Variants in CNTLN observed in about 807,000 individuals in gnomAD.
The protein encoded by CNTLN is centlein.
Under a neutral mutation model 180.0 loss-of-function variants are expected in CNTLN, and 212 were observed. The ratio of observed to expected loss-of-function variants is 1.18; its 90% CI spans 1.05 to 1.32. CNTLN has a LOEUF of 1.32. CNTLN is among the 40% of genes most tolerant of loss of function. The pLI, the probability that CNTLN is intolerant of heterozygous loss-of-function variation, is 0.00. For missense variants in CNTLN, 2,095 were observed against 1,610.9 expected, an observed-to-expected ratio of 1.30 and a Z score of -5.14; for synonymous variants, 722 against 563.1, an observed-to-expected ratio of 1.28 and a Z score of -3.99.
chr9:17,356,787 T>C (rs1255619269), intron 12 of CNTLN, among the ~76,000 whole-genome samples: 1 of 152,156 alleles, frequency 6.6e-6, no homozygotes, highest in Non-Finnish European at 1.5e-5. Context: ...AGCATACAGA[T>C]ATGTAATTTA....
intron 5 of CNTLN, 86 bp downstream of exon 5, chr9:17,236,674 T>A: frequency 9.4e-7 from 1 of 1,066,686 alleles, no homozygotes; most frequent in Non-Finnish European, 1.3e-6. Context: ...CTTTAACAAC[T>A]TATATATTCA....
At chr9:17,177,341 G>A (rs949362019) in intron 2 of CNTLN, among the ~76,000 whole-genome samples, 1 of 152,040 alleles carries the variant, frequency 6.6e-6, no homozygotes, top group South Asian at 2.1e-4. Context: ...CCCGGGAGGC[G>A]GAGCTTGCAG....
downstream of CNTLN, among the ~76,000 whole-genome samples, chr9:17,506,330 G>A (rs895154565): frequency 6.6e-6 from 1 of 152,070 alleles, no homozygotes; most frequent in Admixed American, 6.5e-5. Flanking sequence ...CAGACTGGGA[G>A]AAAACATTTG....
chr9:17,214,415 A>G (rs1823574958), intron 2 of CNTLN, among the ~76,000 whole-genome samples: 1 of 152,218 alleles, frequency 6.6e-6, no homozygotes, highest in Non-Finnish European at 1.5e-5. Context: ...AGTTTCTGCC[A>G]GGAGATCTGC....
At chr9:17,367,675 G>A (rs4961551) in intron 13 of CNTLN, among the ~76,000 whole-genome samples, 126,896 of 152,050 alleles carry the variant, frequency 0.83, 53,146 homozygotes, top group Non-Finnish European at 0.87. Context: ...AGGATAGGGC[G>A]CTAGTTAGAT....
At chr9:17,340,751 G>C in intron 10 of CNTLN, 76 bp from the exon 11 acceptor site, 2 of 1,235,566 alleles carry the variant, frequency 1.6e-6, no homozygotes, top group South Asian at 3.8e-5. Context: ...ATATTTAGAT[G>C]GGTAACCTTT....
intron 1 of CNTLN, among the ~76,000 whole-genome samples, chr9:17,139,828 C>T (rs1007227618): frequency 2.6e-5 from 4 of 152,064 alleles, no homozygotes; most frequent in Non-Finnish European, 4.4e-5. Context: ...CCTCAGCCTC[C>T]AGAGTAGCTA....
chr9:17,389,129 A>G (rs764587517), intron 14 of CNTLN, among the ~76,000 whole-genome samples: 1 of 152,072 alleles, frequency 6.6e-6, no homozygotes, highest in East Asian at 1.9e-4. Flanking sequence ...TAGGAAATCT[A>G]GTGATTTACA....
the CNTLN span, among the ~76,000 whole-genome samples, chr9:17,513,157 A>C: frequency 2.6e-5 from 4 of 152,188 alleles, no homozygotes; most frequent in Non-Finnish European, 4.4e-5. Flanking sequence ...CCATGGACAT[A>C]AATTAAAAGA....
At chr9:17,301,873 C>G (rs1818380181) in intron 7 of CNTLN, 3 of 955,956 alleles carry the variant, frequency 3.1e-6, no homozygotes, top group South Asian at 9.7e-5. Flanking sequence ...AAAAATGCAT[C>G]TTAACATATT....
At chr9:17,267,454 C>G (rs1587416479) in intron 5 of CNTLN, among the ~76,000 whole-genome samples, 2 of 152,140 alleles carry the variant, frequency 1.3e-5, no homozygotes, top group African/African-American at 2.4e-5. Flanking sequence ...CGACCTTTCT[C>G]TCTGGCTGCC....
chr9:17,270,126 T>C lies in CNTLN; in HGVS notation c.850-3607T>C, dbSNP rs1197069464. Among the ~76,000 whole-genome samples the C allele has an allele frequency of 2.0e-5, 3 of 152,064 alleles. 1 individual carries two copies. The East Asian group carries it at 5.8e-4, about 29-fold the overall frequency. ...TCTGTTAATATTTATATATTTAATG[T>C]CTGTTCTTTTTTCCCTTCTCTTAGT... is the stretch of plus-strand genomic sequence containing the variant. On this transcript the variant is annotated intron_variant, in intron 5 of 25. Coordinates refer to ENST00000380647, the MANE Select transcript of CNTLN (RefSeq NM_017738.4).
chr9:17,310,594 A>G (rs1382776044), intron 8 of CNTLN, among the ~76,000 whole-genome samples: 1 of 152,114 alleles, frequency 6.6e-6, no homozygotes. Context: ...ATCTAGGAGT[A>G]GAAATCCTGG....
intron 13 of CNTLN, among the ~76,000 whole-genome samples, chr9:17,383,780 G>A (rs995580482): frequency 6.6e-6 from 1 of 151,802 alleles, no homozygotes; most frequent in East Asian, 2.0e-4. Context: ...TGGGACTACA[G>A]GCGCCTGCCA....
intron 13 of CNTLN, among the ~76,000 whole-genome samples, chr9:17,377,397 C>T (rs998922808): frequency 3.9e-5 from 6 of 152,062 alleles, no homozygotes; most frequent in Admixed American, 6.6e-5. Flanking sequence ...AGAAATTAGC[C>T]GGGCGTAGTG....
chr9:17,525,102 A>T, the CNTLN span, among the ~76,000 whole-genome samples: 4 of 152,342 alleles, frequency 2.6e-5, no homozygotes, highest in East Asian at 7.7e-4. Flanking sequence ...AAAGAACCCT[A>T]TATGGAAAAT....
chr9:17,396,711 T>A (rs1826554293), intron 15 of CNTLN, among the ~76,000 whole-genome samples: 1 of 152,160 alleles, frequency 6.6e-6, no homozygotes, highest in Non-Finnish European at 1.5e-5. Flanking sequence ...CCCAGACAAA[T>A]TAAATTATAA....
chr9:17,177,157 C>G (rs148797760), intron 2 of CNTLN, among the ~76,000 whole-genome samples: 8,253 of 152,202 alleles, frequency 0.054, 257 homozygotes, highest in East Asian at 0.17. Flanking sequence ...CGCCTGTAAT[C>G]CCAGCACTTT....
chr9:17,425,385 G>A (rs975281363), intron 18 of CNTLN, among the ~76,000 whole-genome samples: 18 of 152,104 alleles, frequency 1.2e-4, no homozygotes, highest in Admixed American at 2.6e-4. Context: ...AAGACACCTG[G>A]CATCTGCAAG....
Sources: allele counts gnomAD v4.1 joint callset (sites outside exome capture counted in the v4.1 genomes callset), GRCh38; gene constraint gnomAD v4.1.1; transcripts MANE v1.5; gene names NCBI Gene and HGNC (gene_info 2026-07-23, HGNC 2026-07-21).